The following SLC3A2 variants were observed in gnomAD, a reference collection of about 807,000 sequenced individuals.
The protein encoded by SLC3A2 is solute carrier family 3 member 2, also known as amino acid transporter heavy chain SLC3A2.
SLC3A2 carries 32 observed loss-of-function variants against 48.5 expected under a neutral mutation model. The ratio of observed to expected loss-of-function variants is 0.66; its 90% CI spans 0.50 to 0.89. The LOEUF is 0.89. Among genes scored for constraint, SLC3A2 ranks in the 40% least tolerant of loss-of-function variants. The pLI is 0.00. For missense variants in SLC3A2, 587 were observed against 680.7 expected (o/e 0.86, Z 1.53); for synonymous variants, 277 against 288.8 (o/e 0.96, Z 0.41).
At chr11:62,878,118 C>G (rs948267565), upstream of SLC3A2, among the ~76,000 whole-genome samples, 36 of 151,100 alleles carry the variant, frequency 2.4e-4, no homozygotes, top group African/African-American at 8.8e-4. Flanking sequence ...GAGATCGCGC[C>G]ACTGCACTCC....
rs1397625330 is a variant in SLC3A2, at chr11:62,885,449, G to A, written c.1000-16G>A. 6.2e-7 allele frequency: 1 copy of A among 1,614,194 alleles called. No homozygotes were observed. On this transcript the variant is annotated splice_polypyrimidine_tract_variant and intron_variant, in intron 6 of 8. Transcript: ENST00000338663. ...GAGGTGGGTTATGGGGCTCACTGGA[G>A]TGTCTCTCCCTGTAGTTGTCTCAGG...
rs1483873483 is a variant in SLC3A2, at chr11:62,881,764, T to G, written c.425-129T>G. On this transcript the variant is annotated intron_variant, in intron 1 of 8. Transcript: ENST00000338663. The surrounding 1 kb of genome is among the most constrained non-coding windows in gnomAD (Gnocchi z 4.0). Reference sequence around the variant, plus strand: ...CATCAGCTCCTCTGAGTCTCGTGATTCAGCCTTGCCTCCCTCTCTCCCCCT... The same window carrying G: ...CATCAGCTCCTCTGAGTCTCGTGATGCAGCCTTGCCTCCCTCTCTCCCCCT... 2 of 1,073,022 alleles carry G rather than the reference T, an allele frequency of 1.9e-6. No individual in the cohort carries two copies. The highest frequency in any genetic ancestry group is 2.7e-6 in the Non-Finnish European group (2 of 744,068). 66.5% of individuals were successfully genotyped at this position (1,073,022 alleles called of 1,614,324 possible).
chr11:62,885,111 G>A (rs960934478), intron 5 of SLC3A2, 66 bp from the exon 6 acceptor site: 25 of 1,559,574 alleles, frequency 1.6e-5, no homozygotes, highest in Non-Finnish European at 2.1e-5. Context: ...GATTACAGGC[G>A]TGAGCCACTG....
chr11:62,885,481 T>C lies in SLC3A2; in HGVS notation c.1016T>C (p.Leu339Pro), dbSNP rs976367187. 2.5e-6 allele frequency: 4 copies of C among 1,614,076 alleles called. No individual in the cohort carries two copies. Among genetic ancestry groups the C allele is most frequent in the Middle Eastern group, 1.6e-4 (1 of 6,084 alleles). Residue 339 changes from leucine (L) to proline (P), a missense_variant, in exon 7 of 9, where the codon CTC becomes CCC. Around this residue, in one of 3 missense-constraint regions of SLC3A2, gnomAD observed 409 missense variants for 446.7 expected, o/e 0.92. Transcript: ENST00000338663. ...TCCCTGTAGTTGTCTCAGGCAAGGC[T>C]CCTGACTTCCTTCTTGCCGGCTCAA... is the stretch of plus-strand genomic sequence containing the variant. ...WCSWSLSQARLLTSFLPAQLL... is the reference protein window; with the variant it reads ...WCSWSLSQARPLTSFLPAQLL...
chr11:62,885,639 G>C, intron 7 of SLC3A2, 31 bp downstream of exon 7: 1 of 1,612,280 alleles, frequency 6.2e-7, no homozygotes, highest in Non-Finnish European at 8.5e-7. Flanking sequence ...GTCACAGGGA[G>C]GTTGTTTATC....
chr11:62,872,690 C>T (rs1026647788), intron 1 of SLC3A2, among the ~76,000 whole-genome samples: 1 of 152,316 alleles, frequency 6.6e-6, no homozygotes, highest in African/African-American at 2.4e-5. Context: ...GCAACCTCTG[C>T]CTCCCCGGTT....
Position 62,888,701 on chromosome 11 carries a change from C to A in SLC3A2, c.*8C>A. 6.3e-7 allele frequency: 1 copy of A among 1,576,296 alleles called. No homozygotes were observed. On this transcript the variant is annotated 3_prime_UTR_variant, in exon 9 of 9. Coordinates refer to ENST00000338663, the MANE Select transcript of SLC3A2 (RefSeq NM_001013251.3). ...TTCCCCTACGCGGCCTGACTTCAGCCTGACATGGACCCACTACCCTTCTCC... is the reference window on the plus strand; with the variant it reads ...TTCCCCTACGCGGCCTGACTTCAGCATGACATGGACCCACTACCCTTCTCC...
Position 62,884,629 on chromosome 11 carries a change from T to C in SLC3A2, c.760-3T>C, listed in dbSNP as rs2085683904. ...GTCCTTGATTCTGCTTTTTTCTTTC[T>C]AGGATGCATCCTCATTCTTGGCTGA... On this transcript the variant is annotated splice_polypyrimidine_tract_variant and splice_region_variant and intron_variant, in intron 4 of 8. Coordinates refer to ENST00000338663, the MANE Select transcript of SLC3A2 (RefSeq NM_001013251.3). The C allele has an allele frequency of 6.2e-7, 1 of 1,611,592 alleles. No individual in the cohort carries two copies. The highest frequency in any genetic ancestry group is 8.5e-7 in the Non-Finnish European group (1 of 1,178,242).
At chr11:62,864,871 C>T (rs1402652072) in intron 1 of SLC3A2, among the ~76,000 whole-genome samples, 1 of 151,970 alleles carries the variant, frequency 6.6e-6, no homozygotes, top group Non-Finnish European at 1.5e-5. Context: ...TGGGTTCAAG[C>T]AATTCTCCTG....
In SLC3A2 at chr11:62,881,338, A is replaced by G; in HGVS notation, c.315A>G (p.Arg105=). ...CTGGTGCCGTGGTCATAATCGTGCG[A>G]GCGCCGCGTTGTCGCGAGCTACCGG... The part of the protein sequence containing the change: ...MLAGAVVIIV[R]APRCRELPAQ... The change falls in exon 1 of 9, where the codon CGA becomes CGG. Residue 105 remains arginine (R), a synonymous_variant. Transcript: ENST00000338663. The surrounding 1 kb of genome is among the most constrained non-coding windows in gnomAD (Gnocchi z 4.0). The G allele has an allele frequency of 5.7e-6, 9 of 1,588,814 alleles. No homozygotes were observed. The South Asian group carries it at 9.1e-5, about 16-fold the overall frequency.
chr11:62,880,104 C>A (rs926490775), upstream of SLC3A2, among the ~76,000 whole-genome samples: 5 of 152,158 alleles, frequency 3.3e-5, no homozygotes, highest in Non-Finnish European at 7.4e-5. Flanking sequence ...TCAGTCTCTT[C>A]TGGATGTCTG....
At chr11:62,888,055 C>T in intron 7 of SLC3A2, 80 bp from the exon 8 acceptor site, 1 of 1,323,148 alleles carries the variant, frequency 7.6e-7, no homozygotes, top group Admixed American at 1.7e-5. Context: ...CCTTGACCTC[C>T]CAGACTGCTG....
chr11:62,888,036 T>A (rs2085737355), intron 7 of SLC3A2, 99 bp from the exon 8 acceptor site: 6 of 1,034,428 alleles, frequency 5.8e-6, no homozygotes, highest in Admixed American at 5.8e-5. Context: ...GCTCAAGCAA[T>A]CCTCTTGGCC....
chr11:62,856,191 C>T lies in SLC3A2; in HGVS notation c.-79C>T, dbSNP rs906725981. On this transcript the variant is annotated 5_prime_UTR_variant, in exon 1 of 10. Coordinates refer to the SLC3A2 transcript ENST00000377889. ...CTCACGGCGATCCTGGACTGACGGTCACGACTGCCTACCCTCTAACCCTGT... is the reference window on the plus strand; with the variant it reads ...CTCACGGCGATCCTGGACTGACGGTTACGACTGCCTACCCTCTAACCCTGT... 1.4e-5 allele frequency: 16 copies of T among 1,141,314 alleles called. No homozygotes were observed. The African/African-American group carries it at 1.9e-4, about 13-fold the overall frequency. 70.7% of individuals were successfully genotyped at this position (1,141,314 alleles called of 1,614,324 possible).
At chr11:62,864,287 T>C (rs549875245) in intron 1 of SLC3A2, among the ~76,000 whole-genome samples, 106 of 150,520 alleles carry the variant, frequency 7.0e-4, no homozygotes, top group African/African-American at 2.5e-3. Flanking sequence ...CCTAAGTATA[T>C]CAATCCTGTT....
At chr11:62,874,881 C>G (rs780072791) in intron 1 of SLC3A2, among the ~76,000 whole-genome samples, 1 of 151,946 alleles carries the variant, frequency 6.6e-6, no homozygotes, top group Non-Finnish European at 1.5e-5. Context: ...ATTCTCCTGC[C>G]TCAGCCAAGT....
At chr11:62,856,649 C>T (rs12295052) in intron 1 of SLC3A2, among the ~76,000 whole-genome samples, 3,900 of 152,212 alleles carry the variant, frequency 0.026, 180 homozygotes, top group African/African-American at 0.09. Flanking sequence ...TGACAACCCC[C>T]ATTTTATTGA....
intron 1 of SLC3A2, among the ~76,000 whole-genome samples, chr11:62,857,058 G>A (rs1226478107): frequency 6.6e-6 from 1 of 151,846 alleles, no homozygotes; most frequent in African/African-American, 2.4e-5. Flanking sequence ...CCTGACCTCG[G>A]GTGATCCGCC....
intron 1 of SLC3A2, among the ~76,000 whole-genome samples, chr11:62,872,334 C>T (rs1375211034): frequency 2.6e-5 from 4 of 152,154 alleles, no homozygotes; most frequent in Non-Finnish European, 5.9e-5. Context: ...GACAACATGA[C>T]AAAACCCTGT....
Sources: allele counts gnomAD v4.1 joint callset (sites outside exome capture counted in the v4.1 genomes callset), GRCh38; gene constraint gnomAD v4.1.1; regional missense constraint gnomAD v4.1.1; non-coding constraint Gnocchi (gnomAD v3.1); transcripts MANE v1.5; gene names NCBI Gene and HGNC (gene_info 2026-07-23, HGNC 2026-07-21).